LOXL2: variants seen among roughly 807,000 people sequenced by gnomAD.
The protein encoded by LOXL2 is lysyl oxidase homolog 2.
In LOXL2, 70 loss-of-function variants were observed where a neutral mutation model predicts 93.0. The observed-to-expected ratio is 0.75, with a 90% CI of 0.62 to 0.92. The LOEUF is 0.92. LOXL2 is among the 40% of genes least tolerant of loss of function. The pLI, the probability that LOXL2 is intolerant of heterozygous loss-of-function variation, is 0.00. For missense variants in LOXL2, 973 were observed against 1,054.9 expected, an observed-to-expected ratio of 0.92 and a Z score of 1.08; for synonymous variants, 438 against 413.2, an observed-to-expected ratio of 1.06 and a Z score of -0.73.
chr8:23,365,017 GTT>G (rs1804375756), intron 2 of LOXL2: 1 of 152,248 alleles, frequency 6.6e-6, no homozygotes, highest in Non-Finnish European at 1.5e-5. Context: ...TCGAACAGGG[GTT>G]GAGAATCAGG....
At chr8:23,312,096 C>A (rs531730320) in intron 9 of LOXL2, among the ~76,000 whole-genome samples, 25 of 152,218 alleles carry the variant, frequency 1.6e-4, no homozygotes, top group African/African-American at 5.5e-4. Context: ...AAGACTAAAC[C>A]AAGAAGAAGC....
chr8:23,380,184 A>T (rs200852917), intron 1 of LOXL2, among the ~76,000 whole-genome samples: 1 of 151,946 alleles, frequency 6.6e-6, no homozygotes, highest in Non-Finnish European at 1.5e-5. Flanking sequence ...CACGAGGTCA[A>T]GAGATCGAGA....
At chr8:23,303,716 C>T (rs1427099387) in intron 10 of LOXL2, among the ~76,000 whole-genome samples, 1 of 152,128 alleles carries the variant, frequency 6.6e-6, no homozygotes, top group African/African-American at 2.4e-5. Context: ...ATATGATAAG[C>T]ACAGAACTCC....
intron 12 of LOXL2, 112 bp from the exon 13 acceptor site, chr8:23,299,059 G>A (rs896586116): frequency 3.3e-5 from 22 of 675,366 alleles, no homozygotes; most frequent in African/African-American, 1.8e-4. Context: ...GGCAGGTGCC[G>A]GGACCCAAGA....
intron 2 of LOXL2, 90 bp from the exon 3 acceptor site, chr8:23,360,355 A>T: frequency 1.0e-6 from 1 of 983,468 alleles, no homozygotes; most frequent in Non-Finnish European, 1.5e-6. Flanking sequence ...TGGAAAGAGA[A>T]TTTTTCTCTA....
rs189951734 is a variant in LOXL2 at position 23,303,512 on chromosome 8, C to T, written c.1881-115G>A. ...ATACTTCCAGGGGACCAGAGGGGGCCGGGTGGGGAGAGGAGTGGATGAGAG... is the reference window on the plus strand; with the variant it reads ...ATACTTCCAGGGGACCAGAGGGGGCTGGGTGGGGAGAGGAGTGGATGAGAG... On this transcript the variant is annotated intron_variant, in intron 10 of 13. Transcript: ENST00000389131. 1.2e-3 allele frequency: 787 copies of T among 662,546 alleles called. 4 individuals carry two copies. Among genetic ancestry groups the T allele is most frequent in the African/African-American group, 0.011 (646 of 56,650 alleles). The allele number at this position is 662,546 out of a possible 1,614,324, so 41.0% of individuals were successfully genotyped here.
rs1803043066 is a variant in LOXL2 at position 23,297,185 on chromosome 8, T to C, written c.*858A>G. Reference sequence around the variant, plus strand: ...TCAAAGGAAACACAGACACGTTTCATAAATCTTTCTTTTATTCCAAGTTTC... The same window carrying C: ...TCAAAGGAAACACAGACACGTTTCACAAATCTTTCTTTTATTCCAAGTTTC... On this transcript the variant is annotated 3_prime_UTR_variant, in exon 14 of 14. Transcript: ENST00000389131. The C allele has an allele frequency of 6.6e-6, 1 of 152,204 alleles. No homozygotes were observed. Among genetic ancestry groups the C allele is most frequent in the South Asian group, 2.1e-4 (1 of 4,826 alleles). The allele number at this position is 152,204 out of a possible 1,614,324, so 9.4% of individuals were successfully genotyped here.
intron 5 of LOXL2, 61 bp from the exon 6 acceptor site, chr8:23,328,626 T>C (rs947921352): frequency 1.3e-6 from 2 of 1,511,532 alleles, no homozygotes; most frequent in African/African-American, 2.7e-5. Flanking sequence ...GGGTGACCAC[T>C]GTCCCCGCCC....
At chr8:23,348,852 G>A (rs546010510) in intron 3 of LOXL2, among the ~76,000 whole-genome samples, 24 of 151,554 alleles carry the variant, frequency 1.6e-4, no homozygotes, top group Non-Finnish European at 3.2e-4. Context: ...ACCCCAGCCT[G>A]GGCGACAGAG....
chr8:23,298,138 C>G lies in LOXL2; in HGVS notation c.2246-16G>C. ...AAGGAACCACCTGAAGAGCGAGAAT[C>G]GGGTAGAGAGAGTGGACAAATGAGA... is the stretch of plus-strand genomic sequence containing the variant. On this transcript the variant is annotated splice_polypyrimidine_tract_variant and intron_variant, in intron 13 of 13. Coordinates refer to ENST00000389131, the MANE Select transcript of LOXL2 (RefSeq NM_002318.3). The G allele has an allele frequency of 6.2e-7, 1 of 1,606,616 alleles. No homozygotes were observed. The highest frequency in any genetic ancestry group is 1.1e-5 in the South Asian group (1 of 90,796).
Position 23,297,881 on chromosome 8 carries a change from G to T in LOXL2, c.*162C>A. Reference sequence around the variant, plus strand: ...GCAGCCCCCCATGAATGATGGGAGGGTCCCTTTCCTCCTGAGCTTAGACAC... The same window carrying T: ...GCAGCCCCCCATGAATGATGGGAGGTTCCCTTTCCTCCTGAGCTTAGACAC... On this transcript the variant is annotated 3_prime_UTR_variant, in exon 14 of 14. Coordinates refer to ENST00000389131, the MANE Select transcript of LOXL2 (RefSeq NM_002318.3). 1.7e-6 allele frequency: 1 copy of T among 593,416 alleles called. No homozygotes were observed. The highest frequency in any genetic ancestry group is 2.2e-5 in the South Asian group (1 of 45,662). The allele number at this position is 593,416 out of a possible 1,614,324, so 36.8% of individuals were successfully genotyped here.
At chr8:23,328,156 C>T (rs767529988) in intron 6 of LOXL2, among the ~76,000 whole-genome samples, 1 of 152,124 alleles carries the variant, frequency 6.6e-6, no homozygotes, top group Non-Finnish European at 1.5e-5. Context: ...GATGTTTACT[C>T]CGTCTTTTGG....
chr8:23,319,864 T>C, intron 8 of LOXL2, 21 bp downstream of exon 8: 2 of 1,609,748 alleles, frequency 1.2e-6, no homozygotes, highest in Non-Finnish European at 1.7e-6. Context: ...GAATGCGGGG[T>C]CTGAGGCCGG....
intron 3 of LOXL2, among the ~76,000 whole-genome samples, chr8:23,356,657 T>C (rs953871003): frequency 2.0e-5 from 3 of 152,266 alleles, no homozygotes; most frequent in Admixed American, 2.0e-4. Flanking sequence ...GAAAGTTCCC[T>C]AAGTCTCTGT....
At chr8:23,336,087 C>T (rs984519850) in intron 4 of LOXL2, 8 of 152,256 alleles carry the variant, frequency 5.3e-5, no homozygotes, top group African/African-American at 1.7e-4. Flanking sequence ...TTCCATGACG[C>T]CCACACAGGG....
At chr8:23,346,497 G>A (rs1803988958) in intron 3 of LOXL2, among the ~76,000 whole-genome samples, 1 of 152,208 alleles carries the variant, frequency 6.6e-6, no homozygotes, top group Non-Finnish European at 1.5e-5. Context: ...CACGTCAGCC[G>A]GAGAGGAAGG....
intron 1 of LOXL2, among the ~76,000 whole-genome samples, chr8:23,373,321 T>G (rs2117218521): frequency 6.6e-6 from 1 of 152,250 alleles, no homozygotes; most frequent in East Asian, 1.9e-4. Context: ...GGCCTAACTT[T>G]GAATTCAGGA....
intron 1 of LOXL2, among the ~76,000 whole-genome samples, chr8:23,397,058 C>T (rs770287685): frequency 2.0e-5 from 3 of 152,150 alleles, no homozygotes; most frequent in Non-Finnish European, 4.4e-5. Flanking sequence ...CAGGTTACAA[C>T]GTGAAAAAAC....
intron 1 of LOXL2, among the ~76,000 whole-genome samples, chr8:23,394,380 G>A (rs183561846): frequency 7.3e-6 from 1 of 136,664 alleles, no homozygotes; most frequent in Non-Finnish European, 1.5e-5. Context: ...GTGACAGAGT[G>A]AGACTCTGTC....
Sources: gnomAD v4.1 joint callset for allele counts (sites outside exome capture counted in the v4.1 genomes callset) on GRCh38, gnomAD v4.1.1 for gene constraint, MANE v1.5 for transcripts, NCBI Gene and HGNC (gene_info 2026-07-23, HGNC 2026-07-21) for gene names.